GPC3: variants seen among roughly 807,000 people sequenced by gnomAD.
GPC3 encodes the protein glypican 3.
GPC3 carries 3 observed loss-of-function variants against 34.4 expected under a neutral mutation model. The observed-to-expected ratio is 0.09, with a 90% CI of 0.04 to 0.23. GPC3 has a LOEUF of 0.23. Among genes scored for constraint, GPC3 ranks in the 10% least tolerant of loss-of-function variants. The pLI, the probability that GPC3 is intolerant of heterozygous loss-of-function variation, is 1.00. For synonymous variants in GPC3, 177 were observed against 174.0 expected (o/e 1.02, Z -0.13); for missense variants, 351 against 445.6 (o/e 0.79, Z 1.91).
chrX:133,671,853 T>C (rs914589245), intron 5 of GPC3, among the ~76,000 whole-genome samples: 5 of 111,556 alleles, frequency 4.5e-5, no homozygotes, highest in Non-Finnish European at 9.4e-5. Flanking sequence ...CCCTGCCCTG[T>C]GTCCAAGTGT....
At chrX:133,551,348 G>A (rs1420132247) in intron 7 of GPC3, among the ~76,000 whole-genome samples, 2 of 112,030 alleles carry the variant, frequency 1.8e-5, no homozygotes, top group Admixed American at 9.5e-5. Context: ...CTTGCAGAGG[G>A]CTGCAGGATG....
At chrX:133,792,789 T>C (rs1384765000) in intron 2 of GPC3, among the ~76,000 whole-genome samples, 1 of 111,577 alleles carries the variant, frequency 9.0e-6, no homozygotes, top group African/African-American at 3.3e-5. Flanking sequence ...AAAGACTTCA[T>C]TCAAAATTTG....
chrX:133,924,591 C>T (rs1390727898), intron 2 of GPC3, among the ~76,000 whole-genome samples: 2 of 112,033 alleles, frequency 1.8e-5, no homozygotes, highest in South Asian at 3.7e-4. Context: ...TATATGAAGT[C>T]GAAATGGGCA....
rs754590369 is a variant in GPC3 at position 133,858,863 on chromosome X, C to T, written c.337+94187G>A. On this transcript the variant is annotated intron_variant, in intron 2 of 7. Transcript: ENST00000370818. ...TTGGGAGGCCGAGGCGGGTGGATCA[C>T]GAGGTCAGGAGATCGAGACCATCCT... Among the ~76,000 whole-genome samples the T allele has an allele frequency of 8.3e-3, 914 of 110,739 alleles. 10 individuals carry two copies. Among genetic ancestry groups the T allele is most frequent in the Non-Finnish European group, 0.012 (653 of 52,801 alleles).
intron 2 of GPC3, among the ~76,000 whole-genome samples, chrX:133,770,495 T>C (rs986078473): frequency 2.7e-5 from 3 of 111,706 alleles, no homozygotes; most frequent in Non-Finnish European, 5.6e-5. Flanking sequence ...CCCACAAGTA[T>C]AAATGCTTGA....
chrX:133,925,494 A>C (rs1451012367), intron 2 of GPC3, among the ~76,000 whole-genome samples: 2 of 112,058 alleles, frequency 1.8e-5, no homozygotes, highest in Non-Finnish European at 3.8e-5. Context: ...CAATATTTTT[A>C]ATCAATGACT....
intron 7 of GPC3, 21 bp from the exon 8 acceptor site, chrX:133,536,314 A>C (rs1297017887): frequency 1.7e-6 from 2 of 1,149,098 alleles, no homozygotes; most frequent in Non-Finnish European, 2.4e-6. Context: ...AAAGAGAAGG[A>C]TTTGAAATGC....
intron 2 of GPC3, among the ~76,000 whole-genome samples, chrX:133,801,667 TTTAATTAAAA>T (rs2124519694): frequency 8.9e-6 from 1 of 112,335 alleles, no homozygotes; most frequent in Admixed American, 9.4e-5. Flanking sequence ...TTCAAGGGAT[TTTAATTAAAA>T]GGTCAAGAAC....
At chrX:133,853,316 TC>T (rs763822745) in intron 2 of GPC3, among the ~76,000 whole-genome samples, 1 of 111,927 alleles carries the variant, frequency 8.9e-6, no homozygotes, top group Non-Finnish European at 1.9e-5. Flanking sequence ...CTATCCAGTA[TC>T]TCCCTCCTCT....
At chrX:133,716,876 CAAAGAT>C (rs1184512452) in intron 3 of GPC3, among the ~76,000 whole-genome samples, 2 of 112,084 alleles carry the variant, frequency 1.8e-5, no homozygotes, top group African/African-American at 3.2e-5. Context: ...TGTCAAAAGA[CAAAGAT>C]AATCTTGAAA....
At chrX:133,575,303 T>C (rs1418433435) in intron 7 of GPC3, among the ~76,000 whole-genome samples, 1 of 111,928 alleles carries the variant, frequency 8.9e-6, no homozygotes, top group Admixed American at 9.5e-5. Context: ...CTGACTATTA[T>C]TATTATCATT....
chrX:133,638,161 C>G, intron 6 of GPC3, among the ~76,000 whole-genome samples: 1 of 111,738 alleles, frequency 8.9e-6, no homozygotes. Context: ...TTTACAAAAG[C>G]AAAGAATGAA....
chrX:133,860,790 T>G (rs961629393), intron 2 of GPC3, among the ~76,000 whole-genome samples: 1 of 111,531 alleles, frequency 9.0e-6, no homozygotes, highest in Admixed American at 9.5e-5. Context: ...TTCTAGCACA[T>G]ATGGTAAGTC....
chrX:133,802,595 C>T (rs7889223), intron 2 of GPC3, among the ~76,000 whole-genome samples: 3,109 of 112,252 alleles, frequency 0.028, 113 homozygotes, highest in African/African-American at 0.095. Flanking sequence ...TGAATGTCAA[C>T]GACCCTTGTC....
At chrX:133,597,819 C>T (rs2069935245) in intron 6 of GPC3, among the ~76,000 whole-genome samples, 1 of 110,737 alleles carries the variant, frequency 9.0e-6, no homozygotes, top group South Asian at 3.9e-4. Flanking sequence ...TGGCCAACAA[C>T]CTCTAATGGT....
At chrX:133,836,318 T>G (rs1300071107) in intron 2 of GPC3, among the ~76,000 whole-genome samples, 3 of 112,959 alleles carry the variant, frequency 2.7e-5, no homozygotes, top group African/African-American at 9.6e-5. Context: ...AGCTTGCTGA[T>G]TTAAAGATAA....
At chrX:133,710,324 C>T (rs2071255450) in intron 3 of GPC3, among the ~76,000 whole-genome samples, 1 of 111,955 alleles carries the variant, frequency 8.9e-6, no homozygotes, top group African/African-American at 3.2e-5. Flanking sequence ...TAACTCTAGA[C>T]AAGTCATTTA....
chrX:133,837,958 C>A (rs779902086), intron 2 of GPC3, among the ~76,000 whole-genome samples: 30 of 111,933 alleles, frequency 2.7e-4, no homozygotes, highest in African/African-American at 9.7e-4. Flanking sequence ...GACTGGAATT[C>A]TTTATTCAGC....
chrX:133,623,479 T>C (rs1160772927), intron 6 of GPC3, among the ~76,000 whole-genome samples: 1 of 110,495 alleles, frequency 9.1e-6, no homozygotes, highest in Admixed American at 9.7e-5. Flanking sequence ...ACCAAGCAAA[T>C]GGAAAACAAA....
Sources: allele counts gnomAD v4.1 joint callset (sites outside exome capture counted in the v4.1 genomes callset), GRCh38; gene constraint gnomAD v4.1.1; transcripts MANE v1.5; gene names NCBI Gene and HGNC (gene_info 2026-07-23, HGNC 2026-07-21).